Variants in SLC39A11 observed in about 807,000 individuals in gnomAD.
The protein encoded by SLC39A11 is zinc transporter ZIP11.
Under a neutral mutation model 36.1 loss-of-function variants are expected in SLC39A11, and 33 were observed. That is an observed-to-expected ratio of 0.91 (90% CI 0.69 to 1.22). SLC39A11 has a LOEUF of 1.22. SLC39A11 is among the 50% of genes most tolerant of loss of function. The pLI is 0.00. For missense variants in SLC39A11, 432 were observed against 430.3 expected (o/e 1.00, Z -0.03); for synonymous variants, 166 against 170.3 (o/e 0.97, Z 0.20).
chr17:72,802,569 C>T (rs1163614152), intron 6 of SLC39A11, among the ~76,000 whole-genome samples: 6 of 143,542 alleles, frequency 4.2e-5, no homozygotes, highest in African/African-American at 1.6e-4. Flanking sequence ...CAGCCTGGAC[C>T]ACAAGAGTGA....
chr17:72,702,420 C>T (rs1368548348), intron 7 of SLC39A11, among the ~76,000 whole-genome samples: 1 of 152,118 alleles, frequency 6.6e-6, no homozygotes, highest in Admixed American at 6.5e-5. Context: ...AGGGGGAAGG[C>T]ATCTAGTGGG....
At chr17:72,853,028 T>C (rs2079442799) in intron 5 of SLC39A11, among the ~76,000 whole-genome samples, 1 of 152,088 alleles carries the variant, frequency 6.6e-6, no homozygotes, top group Non-Finnish European at 1.5e-5. Flanking sequence ...GATTGATTGA[T>C]TGATTAAGCA....
At chr17:72,705,302 C>A (rs1318233111) in intron 7 of SLC39A11, among the ~76,000 whole-genome samples, 3 of 152,180 alleles carry the variant, frequency 2.0e-5, no homozygotes, top group Admixed American at 1.3e-4. Context: ...TCTCCCCCAA[C>A]CTTTATCTTA....
chr17:72,922,900 G>A (rs1366894139), intron 5 of SLC39A11, among the ~76,000 whole-genome samples: 4 of 148,226 alleles, frequency 2.7e-5, no homozygotes, highest in South Asian at 2.2e-4. Flanking sequence ...CCCGGGAGGC[G>A]GAGGTTGCAG....
At position 72,861,661 on chromosome 17, in the gene SLC39A11, A is replaced by T. The variant is rs1473829238; in HGVS notation, c.431-11857T>A. Reference sequence around the variant, plus strand: ...GCACCATCTATATACAACACATTATATATATATATATATATATATATATAT... The same window carrying T: ...GCACCATCTATATACAACACATTATTTATATATATATATATATATATATAT... On this transcript the variant is annotated intron_variant, in intron 5 of 9. Transcript: ENST00000255559. Among the ~76,000 whole-genome samples the T allele has an allele frequency of 3.7e-5, 3 of 81,426 alleles. No homozygotes were observed. The South Asian group carries it at 1.7e-3, about 47-fold the overall frequency. The allele number at this position is 81,426 out of a possible 152,430, so 53.4% of individuals were successfully genotyped here.
chr17:72,653,404 C>A (rs1005989329), intron 7 of SLC39A11, among the ~76,000 whole-genome samples: 3 of 148,328 alleles, frequency 2.0e-5, no homozygotes, highest in Non-Finnish European at 4.5e-5. Flanking sequence ...CCACTGCACC[C>A]TTTTTTTTTG....
intron 7 of SLC39A11, among the ~76,000 whole-genome samples, chr17:72,654,792 C>A (rs951474498): frequency 6.6e-6 from 1 of 152,208 alleles, no homozygotes; most frequent in Admixed American, 6.5e-5. Context: ...GGCAGGCACA[C>A]GAAGGTAGCC....
At chr17:72,935,194 C>T (rs999461149) in intron 5 of SLC39A11, among the ~76,000 whole-genome samples, 1 of 152,188 alleles carries the variant, frequency 6.6e-6, no homozygotes, top group African/African-American at 2.4e-5. Flanking sequence ...TAAAAAGGAA[C>T]ACGCTGTTGA....
intron 6 of SLC39A11, among the ~76,000 whole-genome samples, chr17:72,830,981 T>C (rs2078260725): frequency 6.6e-6 from 1 of 152,124 alleles, no homozygotes; most frequent in Admixed American, 6.5e-5. Context: ...GAGAAGGAAA[T>C]CTAGAACGTC....
intron 3 of SLC39A11, among the ~76,000 whole-genome samples, chr17:73,077,202 A>G (rs1189817763): frequency 6.6e-6 from 1 of 152,174 alleles, no homozygotes; most frequent in Non-Finnish European, 1.5e-5. Context: ...TTGAGTTGTT[A>G]AAATCCCCTG....
At chr17:72,684,597 C>A (rs111447354) in intron 7 of SLC39A11, among the ~76,000 whole-genome samples, 71 of 152,324 alleles carry the variant, frequency 4.7e-4, no homozygotes, top group African/African-American at 1.7e-3. Flanking sequence ...GGGACCTTAA[C>A]ACTGTCCCCA....
At chr17:72,745,562 A>ACGAGCTTTC (rs2074899484) in intron 6 of SLC39A11, among the ~76,000 whole-genome samples, 1 of 152,066 alleles carries the variant, frequency 6.6e-6, no homozygotes, top group Non-Finnish European at 1.5e-5. Context: ...GGCTAACTGA[A>ACGAGCTTTC]AGCTCAATCT....
rs2078861739 is a variant in SLC39A11, at chr17:72,842,488, G to C, written c.601+7146C>G. 2.6e-5 allele frequency among the ~76,000 whole-genome samples: 4 copies of C among 152,230 alleles called. No individual in the cohort carries two copies. In the South Asian group the frequency reaches 6.2e-4, roughly 24 times the overall value. On this transcript the variant is annotated intron_variant, in intron 6 of 9. Transcript: ENST00000255559. Reference sequence around the variant, plus strand: ...ATACAAAGCAATGGTGCAGTTCACTGTTGAGACCATAAGGTACTCATGATA... The same window carrying C: ...ATACAAAGCAATGGTGCAGTTCACTCTTGAGACCATAAGGTACTCATGATA...
intron 4 of SLC39A11, among the ~76,000 whole-genome samples, chr17:73,021,870 C>T (rs541325995): frequency 6.6e-6 from 1 of 152,332 alleles, no homozygotes; most frequent in African/African-American, 2.4e-5. Flanking sequence ...CAAGACTCCC[C>T]ACCACTCTTA....
Position 72,692,315 on chromosome 17 carries a change from T to C in SLC39A11, c.672-43047A>G, listed in dbSNP as rs561432169. 9.2e-5 allele frequency among the ~76,000 whole-genome samples: 14 copies of C among 152,276 alleles called. No homozygotes were observed. In the East Asian group the frequency reaches 2.7e-3, roughly 29 times the overall value. On this transcript the variant is annotated intron_variant, in intron 7 of 9. Coordinates refer to ENST00000255559, the MANE Select transcript of SLC39A11 (RefSeq NM_139177.4). The stretch of plus-strand genomic sequence containing the variant: ...CGTGGGCTACCGCGCCCGACCAAAA[T>C]AGCGCATTTTTATTAAACTGCTCAA...
intron 4 of SLC39A11, among the ~76,000 whole-genome samples, chr17:72,996,746 C>G (rs2089533842): frequency 6.6e-6 from 1 of 152,146 alleles, no homozygotes; most frequent in East Asian, 1.9e-4. Flanking sequence ...AAGTCATGTT[C>G]CGAGGTTCCA....
intron 5 of SLC39A11, among the ~76,000 whole-genome samples, chr17:72,857,585 C>T (rs2079714487): frequency 6.6e-6 from 1 of 152,220 alleles, no homozygotes; most frequent in Non-Finnish European, 1.5e-5. Flanking sequence ...AACGGTTGAA[C>T]TAATTTACAC....
At chr17:72,783,739 C>G (rs1353998332) in intron 6 of SLC39A11, among the ~76,000 whole-genome samples, 1 of 152,188 alleles carries the variant, frequency 6.6e-6, no homozygotes, top group East Asian at 1.9e-4. Context: ...AGGCAGGAGT[C>G]TGACTTGCAA....
chr17:72,898,787 CTT>C (rs772890650), intron 5 of SLC39A11, among the ~76,000 whole-genome samples: 1 of 152,250 alleles, frequency 6.6e-6, no homozygotes, highest in Admixed American at 6.5e-5. Context: ...CCCTGGTTCT[CTT>C]TTCTTTTCTG....
Sources: gnomAD v4.1 joint callset for allele counts (sites outside exome capture counted in the v4.1 genomes callset) on GRCh38, gnomAD v4.1.1 for gene constraint, MANE v1.5 for transcripts, NCBI Gene and HGNC (gene_info 2026-07-23, HGNC 2026-07-21) for gene names.